The following CDH10 variants were observed in gnomAD, a reference collection of about 807,000 sequenced individuals.
CDH10 encodes the protein cadherin 10.
CDH10 carries 30 observed loss-of-function variants against 73.1 expected under a neutral mutation model. The ratio of observed to expected loss-of-function variants is 0.41; its 90% CI spans 0.31 to 0.56. The LOEUF (loss-of-function observed/expected upper bound fraction) is 0.56, where lower values mean the gene tolerates loss of function less well. Among genes scored for constraint, CDH10 ranks in the 20% least tolerant of loss-of-function variants. CDH10 has a pLI of 0.27. For missense variants in CDH10, 815 were observed against 973.7 expected (o/e 0.84, Z 2.17); for synonymous variants, 345 against 348.2 (o/e 0.99, Z 0.10).
intron 7 of CDH10, among the ~76,000 whole-genome samples, chr5:24,505,740 A>T (rs576706675): frequency 6.6e-6 from 1 of 152,330 alleles, no homozygotes; most frequent in African/African-American, 2.4e-5. Flanking sequence ...TTCATGATAT[A>T]ACACCCACGT....
At chr5:24,618,444 TG>T (rs1351999219) in intron 1 of CDH10, among the ~76,000 whole-genome samples, 1 of 152,076 alleles carries the variant, frequency 6.6e-6, no homozygotes, top group African/African-American at 2.4e-5. Context: ...TTAAAACTCA[TG>T]TGATTATTCT....
intron 11 of CDH10, among the ~76,000 whole-genome samples, chr5:24,490,080 G>A (rs1391478406): frequency 2.0e-5 from 3 of 152,122 alleles, no homozygotes; most frequent in African/African-American, 7.2e-5. Flanking sequence ...AAGTGCCAAT[G>A]AGAGTCTGAA....
chr5:24,628,383 A>T (rs1747580782), intron 1 of CDH10, among the ~76,000 whole-genome samples: 1 of 152,184 alleles, frequency 6.6e-6, no homozygotes, highest in East Asian at 1.9e-4. Context: ...TAGTGGAGAC[A>T]AACTGCAGAC....
rs1325133017 is a variant in CDH10 at position 24,511,457 on chromosome 5, A to G, written c.872T>C (p.Val291Ala). Residue 291 changes from valine (V) to alanine (A), a missense_variant, in exon 6 of 12, where the codon GTC becomes GCC. Physicochemically the swap from Val to Ala is moderately conservative, Grantham distance 64. This residue lies in a region of CDH10 where 516 missense variants were observed against 636.6 expected (regional missense o/e 0.81). Transcript: ENST00000264463. ...SSPVGTAIGS[V>A]KATDADTGKN... ...CCCAGTGTCAGCATCAGTTGCTTTG[A>G]CACTTCCAATGGCTGTGCCAACTGG... 3 of 1,610,530 alleles carry G rather than the reference A, an allele frequency of 1.9e-6. No homozygotes were observed. The highest frequency in any genetic ancestry group is 2.5e-6 in the Non-Finnish European group (3 of 1,177,066).
intron 2 of CDH10, among the ~76,000 whole-genome samples, chr5:24,577,738 C>T (rs568555450): frequency 6.6e-6 from 1 of 152,166 alleles, no homozygotes; most frequent in African/African-American, 2.4e-5. Flanking sequence ...AAGCTGTCAC[C>T]TTGTTCCTGA....
intron 1 of CDH10, among the ~76,000 whole-genome samples, chr5:24,624,305 C>T (rs1561201988): frequency 6.6e-6 from 1 of 152,014 alleles, no homozygotes; most frequent in Non-Finnish European, 1.5e-5. Flanking sequence ...AGATTTTCAT[C>T]TATTTTATAT....
chr5:24,622,552 C>G (rs962445908), intron 1 of CDH10, among the ~76,000 whole-genome samples: 3 of 152,082 alleles, frequency 2.0e-5, no homozygotes, highest in Admixed American at 6.6e-5. Flanking sequence ...AATGGATTAC[C>G]ATTCTAAAGC....
At chr5:24,643,292 T>C (rs1469115679) in intron 1 of CDH10, among the ~76,000 whole-genome samples, 13 of 152,232 alleles carry the variant, frequency 8.5e-5, no homozygotes, top group African/African-American at 3.1e-4. Context: ...TACGGCTCTG[T>C]CAATGACATA....
At chr5:24,546,128 G>A (rs1392717130) in intron 2 of CDH10, among the ~76,000 whole-genome samples, 2 of 151,946 alleles carry the variant, frequency 1.3e-5, no homozygotes, top group African/African-American at 2.4e-5. Context: ...TTTGAGACAC[G>A]AACTAAAATG....
intron 2 of CDH10, among the ~76,000 whole-genome samples, chr5:24,541,304 T>C (rs1318252114): frequency 6.6e-6 from 1 of 152,032 alleles, no homozygotes; most frequent in Non-Finnish European, 1.5e-5. Flanking sequence ...AATTATCTCT[T>C]ATTCTGCATA....
chr5:24,605,248 T>A (rs917990192), intron 1 of CDH10, among the ~76,000 whole-genome samples: 1 of 152,186 alleles, frequency 6.6e-6, no homozygotes, highest in Non-Finnish European at 1.5e-5. Flanking sequence ...AGGGATATAG[T>A]ATAGGTCTAT....
intron 6 of CDH10, among the ~76,000 whole-genome samples, chr5:24,510,313 T>G (rs769409849): frequency 7.2e-5 from 11 of 152,178 alleles, no homozygotes; most frequent in Non-Finnish European, 1.6e-4. Flanking sequence ...TCAAGTTATG[T>G]CCAATATTCA....
chr5:24,499,567 A>T (rs1742414935), intron 8 of CDH10: 1 of 152,144 alleles, frequency 6.6e-6, no homozygotes, highest in Non-Finnish European at 1.5e-5. Context: ...AGAGCCTGTA[A>T]TCCCAGCTAC....
chr5:24,492,862 T>TC lies in CDH10; in HGVS notation c.1578_1579insG (p.Ser527GlufsTer14). On this transcript the variant is annotated frameshift_variant, in exon 10 of 12. Coordinates refer to ENST00000264463, the MANE Select transcript of CDH10 (RefSeq NM_006727.5). LOFTEE classifies it high-confidence loss of function. ...AAGTTTGGATTGACAGCAGCTAAAC[T>TC]GAAAAAAAATTTCTGTCCACCTAAA... The TC allele has an allele frequency of 6.3e-7, 1 of 1,590,248 alleles. No individual in the cohort carries two copies. Among genetic ancestry groups the TC allele is most frequent in the Non-Finnish European group, 8.6e-7 (1 of 1,158,676 alleles).
In CDH10 at chr5:24,492,105, T is replaced by A. The variant is rs9293130; in HGVS notation, c.1625-278A>T. On this transcript the variant is annotated intron_variant, in intron 10 of 11. Transcript: ENST00000264463. ...TTTATAAGTGAATCATTTACCAAGA[T>A]TACAGATGATAACAACTGGCTTTTC... is the stretch of plus-strand genomic sequence containing the variant. Among the ~76,000 whole-genome samples the A allele has an allele frequency of 8.9e-3, 1,349 of 152,262 alleles. 28 individuals are homozygous for A. The highest frequency in any genetic ancestry group is 0.031 in the African/African-American group (1,278 of 41,542).
intron 1 of CDH10, among the ~76,000 whole-genome samples, chr5:24,594,080 C>A (rs1389437966): frequency 6.6e-6 from 1 of 151,004 alleles, no homozygotes; most frequent in Non-Finnish European, 1.5e-5. Flanking sequence ...TTTAATCCTA[C>A]TCAGAGGTAA....
chr5:24,490,805 G>A (rs984050411), intron 11 of CDH10, among the ~76,000 whole-genome samples: 1 of 152,000 alleles, frequency 6.6e-6, no homozygotes, highest in Non-Finnish European at 1.5e-5. Flanking sequence ...ACTTTATTTT[G>A]TATATATGAA....
chr5:24,544,514 T>C (rs990355125), intron 2 of CDH10, among the ~76,000 whole-genome samples: 1 of 152,228 alleles, frequency 6.6e-6, no homozygotes, highest in Admixed American at 6.5e-5. Flanking sequence ...GTTAAGTGGT[T>C]CATTCTTCAC....
chr5:24,555,296 C>T (rs997805294), intron 2 of CDH10, among the ~76,000 whole-genome samples: 2 of 152,016 alleles, frequency 1.3e-5, no homozygotes, highest in African/African-American at 4.8e-5. Flanking sequence ...TGTGACTTTT[C>T]TCTTTCCTTA....
Sources: gnomAD v4.1 joint callset for allele counts (sites outside exome capture counted in the v4.1 genomes callset) on GRCh38, gnomAD v4.1.1 for gene constraint, gnomAD v4.1.1 regional missense constraint, MANE v1.5 for transcripts, NCBI Gene and HGNC (gene_info 2026-07-23, HGNC 2026-07-21) for gene names.